The following GJB5 variants were observed in gnomAD, a reference collection of about 807,000 sequenced individuals.
GJB5 encodes the protein gap junction beta-5 protein.
For missense variants in GJB5, 333 were observed against 357.9 expected (o/e 0.93, Z 0.56); for synonymous variants, 146 against 145.5 (o/e 1.00, Z -0.02).
In GJB5 at chr1:34,757,908, CA is replaced by C; in HGVS notation, c.579del (p.Ala194LeufsTer16). ...ATTTTCACCCTCTTCATGGTGGCCA[CA>C]GCTGCCATCTGCATCCTGCTCAACC... ...KNIFTLFMVA[T>X]AAICILLNLV... On this transcript the variant is annotated frameshift_variant, in exon 2 of 2. Coordinates refer to ENST00000338513, the MANE Select transcript of GJB5 (RefSeq NM_005268.4). LOFTEE classifies it low-confidence loss of function (END_TRUNC). 1 of 1,614,044 alleles carries C rather than the reference CA, an allele frequency of 6.2e-7. No individual in the cohort carries two copies. The highest frequency in any genetic ancestry group is 8.5e-7 in the Non-Finnish European group (1 of 1,179,990).
At chr1:34,756,713 T>TTGGTCATGCTTCAAA (rs3835620) in intron 1 of GJB5, among the ~76,000 whole-genome samples, 75,121 of 151,986 alleles carry the variant, frequency 0.49, 20,894 homozygotes, top group African/African-American at 0.77. Context: ...CTGGATTGCA[T>TTGGTCATGCTTCAAA]TGAGTGGCAC....
intron 1 of GJB5, among the ~76,000 whole-genome samples, chr1:34,756,314 G>A (rs1639582092): frequency 6.6e-6 from 1 of 152,168 alleles, no homozygotes; most frequent in Admixed American, 6.5e-5. Context: ...GAGTTCATCA[G>A]GCCAAATTCA....
Position 34,757,338 on chromosome 1 carries a change from G to A in GJB5, c.8G>A (p.Trp3Ter), listed in dbSNP as rs1417621706. Residue 3 changes from tryptophan (W) to a stop codon, truncating the protein, a stop_gained, in exon 2 of 2, where the codon TGG becomes TAG. Coordinates refer to ENST00000338513, the MANE Select transcript of GJB5 (RefSeq NM_005268.4). LOFTEE classifies it high-confidence loss of function. The stretch of plus-strand genomic sequence containing the variant: ...CTGACGCGTGGGTCCACCATGAACT[G>A]GAGTATCTTTGAGGGACTCCTGAGT... MN[W>*]SIFEGLLSGV... is the part of the protein sequence containing the mutation. The A allele has an allele frequency of 1.9e-6, 3 of 1,610,534 alleles. No individual in the cohort carries two copies. The highest frequency in any genetic ancestry group is 1.1e-5 in the South Asian group (1 of 90,996).
At chr1:34,756,252 C>T (rs1261922050) in intron 1 of GJB5, among the ~76,000 whole-genome samples, 2 of 152,198 alleles carry the variant, frequency 1.3e-5, no homozygotes, top group Admixed American at 6.5e-5. Context: ...GTGGGGACCC[C>T]TTACTCTGCC....
chr1:34,755,450 T>C (rs1480573698), intron 1 of GJB5, among the ~76,000 whole-genome samples: 1 of 152,150 alleles, frequency 6.6e-6, no homozygotes, highest in African/African-American at 2.4e-5. Flanking sequence ...CCTCCCCAAG[T>C]AGGGATGGGC....
rs1639621182 is a variant in GJB5, at chr1:34,757,740, T to C, written c.410T>C (p.Phe137Ser). Residue 137 changes from phenylalanine to serine, a missense_variant, in exon 2 of 2, where the codon TTC (phenylalanine) becomes TCC (serine). By Grantham distance (155) the Phe-to-Ser change is radical (BLOSUM62 -2). Coordinates refer to ENST00000338513, the MANE Select transcript of GJB5 (RefSeq NM_005268.4). ...TGGACATATGTCTGCAGCCTAGTGT[T>C]CAAGGCGAGCGTGGACATCGCCTTT... ...LWWTYVCSLV[F>S]KASVDIAFLY... The C allele has an allele frequency of 6.2e-7, 1 of 1,613,990 alleles. No individual in the cohort carries two copies. The highest frequency in any genetic ancestry group is 8.5e-7 in the Non-Finnish European group (1 of 1,179,998).
intron 1 of GJB5, among the ~76,000 whole-genome samples, chr1:34,755,399 G>T (rs1330776544): frequency 6.6e-6 from 1 of 152,182 alleles, no homozygotes; most frequent in Non-Finnish European, 1.5e-5. Flanking sequence ...AGCTCAGCAG[G>T]CAGGGTAGCT....
chr1:34,755,281 G>GCCTGGACACATCTGCCACCCTGGGT, intron 1 of GJB5, 86 bp downstream of exon 1: 1 of 152,616 alleles, frequency 6.6e-6, no homozygotes, highest in African/African-American at 2.4e-5. Context: ...GTGGGATGTG[G>GCCTGGACACATCTGCCACCCTGGGT]CCTGGACACA....
intron 1 of GJB5, among the ~76,000 whole-genome samples, chr1:34,756,713 T>C (rs578066241): frequency 6.6e-6 from 1 of 151,920 alleles, no homozygotes; most frequent in South Asian, 2.1e-4. Flanking sequence ...CTGGATTGCA[T>C]TGAGTGGCAC....
intron 1 of GJB5, 30 bp from the exon 2 acceptor site, chr1:34,757,277 T>A (rs758621815): frequency 4.6e-5 from 56 of 1,209,684 alleles, no homozygotes; most frequent in Non-Finnish European, 6.8e-5. Flanking sequence ...GTGATAAATG[T>A]AGGAAATGAT....
Position 34,758,374 on chromosome 1 carries a change from C to CT in GJB5, c.*226dup. 1 of 593,956 alleles carries CT rather than the reference C, an allele frequency of 1.7e-6. No individual in the cohort carries two copies. 36.8% of individuals were successfully genotyped at this position (593,956 alleles called of 1,614,324 possible). On this transcript the variant is annotated 3_prime_UTR_variant, in exon 2 of 2. Coordinates refer to ENST00000338513, the MANE Select transcript of GJB5 (RefSeq NM_005268.4). ...CCCCTCTGCTCTGCAGCTCGGTTTC[C>CT]TTTTCTAGAATGGAAATAGTGAGGG... is the stretch of plus-strand genomic sequence containing the variant.
In GJB5 at chr1:34,757,322, G is replaced by A; in HGVS notation, c.-9G>A. On this transcript the variant is annotated 5_prime_UTR_variant, in exon 2 of 2. It introduces an in-frame stop codon into an upstream open reading frame of the 5' UTR. Transcript: ENST00000338513. Reference sequence around the variant, plus strand: ...TTCCCTGCAGTAGCAGCTGACGCGTGGGTCCACCATGAACTGGAGTATCTT... The same window carrying A: ...TTCCCTGCAGTAGCAGCTGACGCGTAGGTCCACCATGAACTGGAGTATCTT... The A allele has an allele frequency of 6.3e-7, 1 of 1,588,348 alleles. No individual in the cohort carries two copies.
chr1:34,756,155 G>A (rs1639578387), intron 1 of GJB5, among the ~76,000 whole-genome samples: 1 of 152,168 alleles, frequency 6.6e-6, no homozygotes, highest in African/African-American at 2.4e-5. Context: ...GTCCCAGGGT[G>A]CACAGTTGGT....
At position 34,757,504 on chromosome 1, in the gene GJB5, C is replaced by T. The variant is rs144674093; in HGVS notation, c.174C>T (p.Pro58=). 16 of 1,614,048 alleles carry T rather than the reference C, an allele frequency of 9.9e-6. No homozygotes were observed. The highest frequency in any genetic ancestry group is 4.0e-5 in the African/African-American group (3 of 74,914). Residue 58 remains proline (P), a synonymous_variant, in exon 2 of 2, where the codon CCC becomes CCT. Coordinates refer to ENST00000338513, the MANE Select transcript of GJB5 (RefSeq NM_005268.4). ...HKDFDCNTRQ[P]GCSNVCFDEF... ...ACTTCGACTGCAATACTCGCCAGCC[C>T]GGCTGCTCCAACGTCTGCTTTGATG...
intron 1 of GJB5, among the ~76,000 whole-genome samples, chr1:34,756,985 T>C (rs550259939): frequency 6.6e-6 from 1 of 152,302 alleles, no homozygotes; most frequent in South Asian, 2.1e-4. Flanking sequence ...CAGTCTTCAC[T>C]CTGCAGAACC....
rs368619804 is a variant in GJB5, at chr1:34,757,759, C to T, written c.429C>T (p.Ile143=). The part of the protein sequence containing the change: ...CSLVFKASVD[I]AFLYVFHSFY... ...TAGTGTTCAAGGCGAGCGTGGACAT[C>T]GCCTTTCTCTATGTGTTCCACTCAT... The change falls in exon 2 of 2, where the codon ATC becomes ATT. Residue 143 remains isoleucine (I), a synonymous_variant. Coordinates refer to ENST00000338513, the MANE Select transcript of GJB5 (RefSeq NM_005268.4). The T allele has an allele frequency of 1.4e-5, 23 of 1,613,868 alleles. No homozygotes were observed. The highest frequency in any genetic ancestry group is 5.0e-5 in the Admixed American group (3 of 60,000).
chr1:34,757,969 C>T lies in GJB5; in HGVS notation c.639C>T (p.Cys213=), dbSNP rs1490946797. The stretch of plus-strand genomic sequence containing the variant: ...TCATCTACCTGGTGAGCAAGAGATG[C>T]CACGAGTGCCTGGCAGCAAGGAAAG... ...VELIYLVSKR[C]HECLAARKAQ... The change falls in exon 2 of 2, where the codon TGC becomes TGT. Residue 213 remains cysteine (C), a synonymous_variant. Transcript: ENST00000338513. 6.2e-7 allele frequency: 1 copy of T among 1,614,072 alleles called. No individual in the cohort carries two copies. Among genetic ancestry groups the T allele is most frequent in the Admixed American group, 1.7e-5 (1 of 60,012 alleles).
chr1:34,758,004 T>C lies in GJB5; in HGVS notation c.674T>C (p.Met225Thr), dbSNP rs764814115. 9.9e-6 allele frequency: 16 copies of C among 1,613,740 alleles called. No individual in the cohort carries two copies. Among genetic ancestry groups the C allele is most frequent in the Non-Finnish European group, 1.4e-5 (16 of 1,179,992 alleles). The part of the protein sequence containing the change: ...ECLAARKAQA[M>T]CTGHHPHGTT... ...CTGGCAGCAAGGAAAGCTCAAGCCA[T>C]GTGCACAGGTCATCACCCCCACGGT... is the stretch of plus-strand genomic sequence containing the variant. Residue 225 changes from methionine (M) to threonine (T), a missense_variant, in exon 2 of 2, where the codon ATG becomes ACG. By Grantham distance (81) the Met-to-Thr change is moderately conservative (BLOSUM62 -1). Transcript: ENST00000338513.
Position 34,755,612 on chromosome 1 carries a change from G to A in GJB5, c.-25+417G>A, listed in dbSNP as rs28404855. Among the ~76,000 whole-genome samples, 310 of 137,792 alleles carry A rather than the reference G, an allele frequency of 2.2e-3. 1 individual carries two copies. The highest frequency in any genetic ancestry group is 7.5e-3 in the African/African-American group (287 of 38,284). The allele number at this position is 137,792 out of a possible 152,430, so 90.4% of individuals were successfully genotyped here. A position where few individuals can be genotyped will look rare whatever the true frequency, so the allele number is the denominator to read the frequency against. ...CGGCCCCCACCTCCACCCATCCCCC[G>A]TCCAAGTGGCGCAGGTGGTGTGGAG... On this transcript the variant is annotated intron_variant, in intron 1 of 1. Coordinates refer to ENST00000338513, the MANE Select transcript of GJB5 (RefSeq NM_005268.4).
Sources: allele counts gnomAD v4.1 joint callset (sites outside exome capture counted in the v4.1 genomes callset), GRCh38; gene constraint gnomAD v4.1.1; transcripts MANE v1.5; gene names NCBI Gene and HGNC (gene_info 2026-07-23, HGNC 2026-07-21).